MCM3: variants seen among roughly 807,000 people sequenced by gnomAD.
MCM3 encodes DNA replication licensing factor MCM3.
Under a neutral mutation model 91.3 loss-of-function variants are expected in MCM3, and 59 were observed. That is an observed-to-expected ratio of 0.65 (90% CI 0.52 to 0.80). MCM3 has a LOEUF of 0.80. Among genes scored for constraint, MCM3 ranks in the 30% least tolerant of loss-of-function variants. The pLI is 0.00. For missense variants in MCM3, 919 were observed against 1,035.4 expected (o/e 0.89, Z 1.54); for synonymous variants, 383 against 379.6 (o/e 1.01, Z -0.10).
At chr6:52,265,458 G>T in intron 16 of MCM3, 1 of 196,144 alleles carries the variant, frequency 5.1e-6, no homozygotes, top group Non-Finnish European at 1.1e-5. Flanking sequence ...AAAAAAAAAA[G>T]TGAGATCTAT....
intron 8 of MCM3, among the ~76,000 whole-genome samples, 186 bp downstream of exon 8, chr6:52,276,881 C>G (rs1030711586): frequency 6.6e-6 from 1 of 152,180 alleles, no homozygotes; most frequent in African/African-American, 2.4e-5. Flanking sequence ...AAATCGAAAA[C>G]ATTCCTGTAA....
Position 52,284,468 on chromosome 6 carries a change from G to A in MCM3, c.78+129C>T, listed in dbSNP as rs576862966. The A allele has an allele frequency of 6.6e-6, 5 of 753,540 alleles. No individual in the cohort carries two copies. In the South Asian group the frequency reaches 9.3e-5, roughly 14 times the overall value. 46.7% of individuals were successfully genotyped at this position (753,540 alleles called of 1,614,324 possible). On this transcript the variant is annotated intron_variant, in intron 1 of 16. Transcript: ENST00000596288. ...GTTGAGAAGTTACAAGATTGGGGCT[G>A]GAGGCTCGGGCCCGGCAGGCTCCGC...
At chr6:52,274,625 G>C (rs903407757) in intron 9 of MCM3, among the ~76,000 whole-genome samples, 33 of 151,830 alleles carry the variant, frequency 2.2e-4, no homozygotes, top group African/African-American at 7.5e-4. Flanking sequence ...GGAGGTCGAG[G>C]CTGCAGTGAG....
intron 14 of MCM3, among the ~76,000 whole-genome samples, chr6:52,267,424 C>T (rs942868996): frequency 3.3e-5 from 5 of 151,792 alleles, no homozygotes; most frequent in Non-Finnish European, 7.4e-5. Flanking sequence ...CCTCAAACCC[C>T]GCAGGTCTAG....
Position 52,278,728 on chromosome 6 carries a change from AAGGATGCCC to A in MCM3, c.879+5_879+13del. On this transcript the variant is annotated splice_donor_5th_base_variant and intron_variant, in intron 6 of 16. Coordinates refer to ENST00000596288, the MANE Select transcript of MCM3 (RefSeq NM_002388.6). The stretch of plus-strand genomic sequence containing the variant: ...ATCCATTCCCACCCTCAAATTTCTA[AAGGATGCCC>A]AGACCTTGGATCGGGTTTTACTGAA... 6.3e-7 allele frequency: 1 copy of A among 1,585,998 alleles called. No homozygotes were observed. The highest frequency in any genetic ancestry group is 8.6e-7 in the Non-Finnish European group (1 of 1,157,396).
chr6:52,282,193 G>A lies in MCM3; in HGVS notation c.401-18C>T, dbSNP rs1766162794. 7 of 1,613,772 alleles carry A rather than the reference G, an allele frequency of 4.3e-6. No individual in the cohort carries two copies. The highest frequency in any genetic ancestry group is 1.6e-4 in the Middle Eastern group (1 of 6,062). ...TAGAGAACCTAGGGATGGAAAATGT[G>A]CATATATAAACTCACCCAACTAGAC... On this transcript the variant is annotated intron_variant, in intron 3 of 16. Transcript: ENST00000596288.
chr6:52,283,890 CAG>C (rs1400529350), intron 1 of MCM3, among the ~76,000 whole-genome samples: 16 of 152,220 alleles, frequency 1.1e-4, no homozygotes, highest in South Asian at 1.0e-3. Flanking sequence ...GTAAATAAAA[CAG>C]ACTCTTAATA....
intron 5 of MCM3, 44 bp from the exon 6 acceptor site, chr6:52,278,894 C>T (rs1765814413): frequency 7.2e-7 from 1 of 1,392,032 alleles, no homozygotes; most frequent in Non-Finnish European, 1.0e-6. Context: ...TATTCAATTC[C>T]TAACATCAGT....
At chr6:52,283,431 C>T in intron 1 of MCM3, 25 bp from the exon 2 acceptor site, 4 of 1,459,120 alleles carry the variant, frequency 2.7e-6, no homozygotes, top group Non-Finnish European at 3.9e-6. Flanking sequence ...CCACATATCA[C>T]CATAGCCACA....
chr6:52,273,283 G>C lies in MCM3; in HGVS notation c.1623C>G (p.Asp541Glu). Residue 541 changes from aspartate to glutamate, a missense_variant, in exon 11 of 17, where the codon GAC becomes GAG. By Grantham distance (45) the Asp-to-Glu change is conservative (BLOSUM62 2). Coordinates refer to ENST00000596288, the MANE Select transcript of MCM3 (RefSeq NM_002388.6). ...DPNFSQEDQQ[D>E]TQIYEKHDNL... ...TGTCATGCTTCTCATAAATCTGGGT[G>C]TCCTGCTGATCTTCCTGGCTAAAGT... 1 of 1,614,166 alleles carries C rather than the reference G, an allele frequency of 6.2e-7. No individual in the cohort carries two copies. Among genetic ancestry groups the C allele is most frequent in the South Asian group, 1.1e-5 (1 of 91,084 alleles).
intron 12 of MCM3, among the ~76,000 whole-genome samples, chr6:52,271,084 C>G (rs17246464): frequency 0.022 from 3,391 of 152,082 alleles, 98 homozygotes; most frequent in African/African-American, 0.066. Context: ...GTGGCACGCA[C>G]CTGTAGTCCC....
At chr6:52,275,056 G>A (rs1449484855) in intron 9 of MCM3, among the ~76,000 whole-genome samples, 9 of 152,126 alleles carry the variant, frequency 5.9e-5, no homozygotes, top group East Asian at 3.9e-4. Context: ...GAGACACTGC[G>A]CCCAGCCCTA....
intron 13 of MCM3, among the ~76,000 whole-genome samples, chr6:52,268,748 G>A (rs1012058782): frequency 1.3e-5 from 2 of 152,108 alleles, no homozygotes; most frequent in Non-Finnish European, 2.9e-5. Flanking sequence ...TACCAAGGTA[G>A]CTCTTTTGAA....
intron 5 of MCM3, 143 bp downstream of exon 5, chr6:52,279,218 T>C (rs972882508): frequency 4.3e-6 from 3 of 698,344 alleles, no homozygotes; most frequent in Non-Finnish European, 4.9e-6. Flanking sequence ...AAAAGAGGTA[T>C]TGAAGGTATC....
chr6:52,273,076 G>A (rs1765265738), intron 11 of MCM3, among the ~76,000 whole-genome samples, 154 bp downstream of exon 11: 1 of 152,208 alleles, frequency 6.6e-6, no homozygotes, highest in Non-Finnish European at 1.5e-5. Context: ...ATATATTGTG[G>A]ACCCAGAAAA....
rs1765266894 is a variant in MCM3 at position 52,273,099 on chromosome 6, T to A, written c.1676+131A>T. On this transcript the variant is annotated intron_variant, in intron 11 of 16. Coordinates refer to ENST00000596288, the MANE Select transcript of MCM3 (RefSeq NM_002388.6). ...TGGACCCAGAAAAGAAGAAAATTAA[T>A]CCACGTGGTTATGACTCCAGGCATG... 8.8e-6 allele frequency: 9 copies of A among 1,024,910 alleles called. No homozygotes were observed. In the East Asian group the frequency reaches 1.9e-4, roughly 22 times the overall value. 63.5% of individuals were successfully genotyped at this position (1,024,910 alleles called of 1,614,324 possible).
At position 52,266,154 on chromosome 6, in the gene MCM3, G is replaced by A. The variant is rs1460442139; in HGVS notation, c.2159-10C>T. The A allele has an allele frequency of 2.5e-6, 4 of 1,610,068 alleles. No individual in the cohort carries two copies. The highest frequency in any genetic ancestry group is 1.3e-5 in the African/African-American group (1 of 74,842). ...GTCTTTGGAGTGTGTACTTCAGAGG[G>A]TTGATGGTTGTAGAGATGGGGAAGA... On this transcript the variant is annotated splice_polypyrimidine_tract_variant and intron_variant, in intron 15 of 16. Coordinates refer to ENST00000596288, the MANE Select transcript of MCM3 (RefSeq NM_002388.6).
chr6:52,279,557 CA>C lies in MCM3; in HGVS notation c.573del (p.Val192SerfsTer69), dbSNP rs1267462398. On this transcript the variant is annotated frameshift_variant, in exon 5 of 17. Transcript: ENST00000596288. LOFTEE classifies it high-confidence loss of function. ...NNPLETEYGL[S>X]VYKDHQTITI... is the part of the protein sequence containing the mutation. ...GTGATGGTCTGGTGATCCTTGTAGA[CA>C]GAAAGGCCATATTCTGTCTCAAGGG... 1.2e-6 allele frequency: 2 copies of C among 1,613,996 alleles called. No homozygotes were observed. The highest frequency in any genetic ancestry group is 1.7e-6 in the Non-Finnish European group (2 of 1,180,042).
At chr6:52,279,243 G>C in intron 5 of MCM3, 118 bp downstream of exon 5, 1 of 823,642 alleles carries the variant, frequency 1.2e-6, no homozygotes, top group East Asian at 2.4e-5. Flanking sequence ...CTCCCAGGCA[G>C]GTAGAGTGCT....
Sources: allele counts gnomAD v4.1 joint callset (sites outside exome capture counted in the v4.1 genomes callset), GRCh38; gene constraint gnomAD v4.1.1; transcripts MANE v1.5; gene names NCBI Gene and HGNC (gene_info 2026-07-23, HGNC 2026-07-21).